Variants in DOK6 observed in about 807,000 individuals in gnomAD.
DOK6 encodes the protein downstream of tyrosine kinase 6.
DOK6 carries 22 observed loss-of-function variants against 44.0 expected under a neutral mutation model. The observed-to-expected ratio is 0.50, with a 90% confidence interval of 0.36 to 0.71. DOK6 has a LOEUF of 0.71. Ranked by LOEUF, DOK6 falls within the 30% of genes least tolerant of loss-of-function variation. DOK6 has a pLI of 0.00. For synonymous variants in DOK6, 166 were observed against 145.5 expected, an observed-to-expected ratio of 1.14 and a Z score of -1.01; for missense variants, 340 against 416.4, an observed-to-expected ratio of 0.82 and a Z score of 1.60.
intron 2 of DOK6, among the ~76,000 whole-genome samples, chr18:69,587,240 G>A (rs551957253): frequency 5.3e-5 from 8 of 152,184 alleles, no homozygotes; most frequent in African/African-American, 1.9e-4. Flanking sequence ...AAATCAAGGT[G>A]TCTGCGGGGC....
chr18:69,721,261 C>G (rs1978288355), intron 5 of DOK6: 1 of 152,136 alleles, frequency 6.6e-6, no homozygotes, highest in African/African-American at 2.4e-5. Context: ...ACATAATAGG[C>G]CCCAAGAAAT....
chr18:69,688,414 T>A (rs528849267), intron 4 of DOK6, among the ~76,000 whole-genome samples: 1 of 152,326 alleles, frequency 6.6e-6, no homozygotes, highest in South Asian at 2.1e-4. Context: ...AACCGGTGTC[T>A]TTCCTAATTA....
chr18:69,588,157 G>C (rs956997705), intron 2 of DOK6, among the ~76,000 whole-genome samples: 9 of 152,132 alleles, frequency 5.9e-5, no homozygotes, highest in African/African-American at 1.7e-4. Context: ...GTATGATAGA[G>C]ACCAAAATCA....
chr18:69,487,926 T>C (rs7240583), intron 1 of DOK6, among the ~76,000 whole-genome samples: 290 of 152,286 alleles, frequency 1.9e-3, no homozygotes, highest in African/African-American at 6.4e-3. Context: ...CCAAACAGCC[T>C]TGATGTTCCA....
At chr18:69,782,368 T>G (rs528764825) in intron 7 of DOK6, among the ~76,000 whole-genome samples, 1 of 151,956 alleles carries the variant, frequency 6.6e-6, no homozygotes, top group Non-Finnish European at 1.5e-5. Context: ...CCTGCCACCA[T>G]GCCCGGCTAA....
At chr18:69,746,144 C>T (rs1978977956) in intron 6 of DOK6, among the ~76,000 whole-genome samples, 1 of 152,170 alleles carries the variant, frequency 6.6e-6, no homozygotes, top group Non-Finnish European at 1.5e-5. Context: ...AAATGCATTA[C>T]TGATTGCAGA....
intron 5 of DOK6, among the ~76,000 whole-genome samples, chr18:69,705,496 C>G (rs1232679554): frequency 6.6e-6 from 1 of 152,012 alleles, no homozygotes; most frequent in Non-Finnish European, 1.5e-5. Flanking sequence ...GCAGCACTCA[C>G]TTAATTAGAT....
At chr18:69,439,073 A>AG (rs2122438691) in intron 1 of DOK6, among the ~76,000 whole-genome samples, 1 of 150,478 alleles carries the variant, frequency 6.6e-6, no homozygotes, top group East Asian at 2.0e-4. Context: ...TCAAAAAACA[A>AG]ACAAAAACAA....
chr18:69,817,519 C>G (rs1439899738), intron 7 of DOK6, among the ~76,000 whole-genome samples: 1 of 152,130 alleles, frequency 6.6e-6, no homozygotes, highest in Non-Finnish European at 1.5e-5. Flanking sequence ...AGACAGCCGC[C>G]TTCTCACTGT....
intron 1 of DOK6, among the ~76,000 whole-genome samples, chr18:69,407,470 T>C (rs775165175): frequency 1.1e-4 from 16 of 152,334 alleles, no homozygotes; most frequent in Non-Finnish European, 2.2e-4. Flanking sequence ...AGTCACAGTA[T>C]TTTCTGTTTT....
chr18:69,613,646 T>C (rs1394229174), intron 3 of DOK6, among the ~76,000 whole-genome samples: 1 of 152,112 alleles, frequency 6.6e-6, no homozygotes, highest in Non-Finnish European at 1.5e-5. Flanking sequence ...AGATTATTCT[T>C]ACCTTCATTA....
intron 1 of DOK6, among the ~76,000 whole-genome samples, chr18:69,445,736 C>T (rs916568606): frequency 6.6e-6 from 1 of 152,034 alleles, no homozygotes; most frequent in African/African-American, 2.4e-5. Context: ...AATCTATTTT[C>T]TTGGCCAGGC....
intron 2 of DOK6, among the ~76,000 whole-genome samples, chr18:69,591,458 G>C (rs1983619954): frequency 6.6e-6 from 1 of 152,042 alleles, no homozygotes; most frequent in African/African-American, 2.4e-5. Context: ...GTCTTATCAA[G>C]GAAAACAACT....
chr18:69,800,422 C>G (rs1215253240), intron 7 of DOK6, among the ~76,000 whole-genome samples: 4 of 152,050 alleles, frequency 2.6e-5, no homozygotes, highest in Admixed American at 2.6e-4. Flanking sequence ...CATTATGCCT[C>G]TGGAAAAGAT....
At chr18:69,705,613 G>C (rs1351370529) in intron 5 of DOK6, among the ~76,000 whole-genome samples, 1 of 152,092 alleles carries the variant, frequency 6.6e-6, no homozygotes, top group Non-Finnish European at 1.5e-5. Flanking sequence ...AATAATTGTG[G>C]AGATTACACT....
intron 1 of DOK6, among the ~76,000 whole-genome samples, chr18:69,491,368 G>A (rs1980729859): frequency 6.6e-6 from 1 of 152,204 alleles, no homozygotes; most frequent in East Asian, 1.9e-4. Flanking sequence ...GCTAACTATT[G>A]AAGAATGATA....
chr18:69,755,266 C>G (rs1340546603), intron 6 of DOK6, among the ~76,000 whole-genome samples: 1 of 152,126 alleles, frequency 6.6e-6, no homozygotes, highest in East Asian at 1.9e-4. Flanking sequence ...AATGCTTACT[C>G]TATTTCCCTG....
chr18:69,448,347 CA>C (rs1979356050), intron 1 of DOK6, among the ~76,000 whole-genome samples: 1 of 152,030 alleles, frequency 6.6e-6, no homozygotes, highest in Non-Finnish European at 1.5e-5. Flanking sequence ...GATGCCATCC[CA>C]AATTGATTCT....
chr18:69,778,724 C>T (rs1240533157), intron 7 of DOK6, among the ~76,000 whole-genome samples: 1 of 152,132 alleles, frequency 6.6e-6, no homozygotes, highest in East Asian at 1.9e-4. Flanking sequence ...AAATCTATAA[C>T]ATCTAAAAAT....
Sources: allele counts gnomAD v4.1 joint callset (sites outside exome capture counted in the v4.1 genomes callset), GRCh38; gene constraint gnomAD v4.1.1; transcripts MANE v1.5; gene names NCBI Gene and HGNC (gene_info 2026-07-23, HGNC 2026-07-21).